ABLIM1: variants seen among roughly 807,000 people sequenced by gnomAD.
The protein encoded by ABLIM1 is actin binding LIM protein 1.
In ABLIM1, 40 loss-of-function variants were observed where a neutral mutation model predicts 107.0. The ratio of observed to expected loss-of-function variants is 0.37; its 90% CI spans 0.29 to 0.49. The LOEUF is 0.49. ABLIM1 is among the 20% of genes least tolerant of loss of function. The pLI is 0.97. For synonymous variants in ABLIM1, 357 were observed against 357.3 expected (o/e 1.00, Z 0.01); for missense variants, 857 against 1,008.5 (o/e 0.85, Z 2.04).
chr10:114,509,069 T>G (rs781140122), intron 6 of ABLIM1, among the ~76,000 whole-genome samples: 1 of 152,176 alleles, frequency 6.6e-6, no homozygotes, highest in Non-Finnish European at 1.5e-5. Context: ...CTGGGAAATT[T>G]AGAATGAGAA....
rs369177664 is a variant in ABLIM1 at position 114,487,577 on chromosome 10, T to C, written c.1041+381A>G. 8.5e-5 allele frequency among the ~76,000 whole-genome samples: 13 copies of C among 152,350 alleles called. No individual in the cohort carries two copies. In the South Asian group the frequency reaches 2.3e-3, roughly 27 times the overall value. ...GAGAGACCAGTAAAATGTGCCAATG[T>C]AGAGCTGGGGTCAGAGTAGTGCATT... On this transcript the variant is annotated intron_variant, in intron 8 of 22. Transcript: ENST00000533213.
At chr10:114,788,241 C>T in the ABLIM1 span, among the ~76,000 whole-genome samples, 2 of 148,264 alleles carry the variant, frequency 1.3e-5, no homozygotes, top group South Asian at 4.3e-4. Context: ...CCTTTGTTCA[C>T]TTGTTTATCT....
intron 4 of ABLIM1, among the ~76,000 whole-genome samples, chr10:114,558,421 T>C (rs974434090): frequency 3.0e-4 from 46 of 152,164 alleles, no homozygotes; most frequent in Non-Finnish European, 1.5e-5. Flanking sequence ...AGTATCAGAA[T>C]TGAGAGTCCG....
chr10:114,709,398 A>T (rs746974745), intron 1 of ABLIM1, among the ~76,000 whole-genome samples: 2 of 152,234 alleles, frequency 1.3e-5, no homozygotes, highest in Non-Finnish European at 2.9e-5. Flanking sequence ...TCTTGTTTTC[A>T]TCAACATAGA....
chr10:114,463,312 G>C, intron 12 of ABLIM1: 22 of 815,588 alleles, frequency 2.7e-5, no homozygotes, highest in Non-Finnish European at 3.5e-5. Flanking sequence ...GAAGGAGAAA[G>C]GGTTAAGAGT....
chr10:114,736,717 T>C (rs1004794818), intron 1 of ABLIM1, among the ~76,000 whole-genome samples: 5 of 152,230 alleles, frequency 3.3e-5, no homozygotes, highest in Non-Finnish European at 7.3e-5. Flanking sequence ...TGTAATGCAA[T>C]GATGCTTTAA....
At chr10:114,595,947 C>G (rs907645005) in intron 2 of ABLIM1, among the ~76,000 whole-genome samples, 1 of 152,180 alleles carries the variant, frequency 6.6e-6, no homozygotes, top group African/African-American at 2.4e-5. Context: ...TCTGGATGTA[C>G]CATGTTACTC....
At chr10:114,438,425 A>AT (rs1383319467) in intron 21 of ABLIM1, among the ~76,000 whole-genome samples, 1 of 151,712 alleles carries the variant, frequency 6.6e-6, no homozygotes, top group Admixed American at 6.6e-5. Context: ...ATGCCAAGCA[A>AT]TTTTTTTTAA....
At chr10:114,536,841 A>G (rs1401177489) in intron 6 of ABLIM1, among the ~76,000 whole-genome samples, 1 of 152,146 alleles carries the variant, frequency 6.6e-6, no homozygotes, top group Non-Finnish European at 1.5e-5. Context: ...CTCAAACTTG[A>G]GACAGCATCA....
intron 1 of ABLIM1, among the ~76,000 whole-genome samples, chr10:114,755,789 C>T (rs1377106450): frequency 6.6e-6 from 1 of 152,222 alleles, no homozygotes; most frequent in African/African-American, 2.4e-5. Flanking sequence ...AGGTTCAAGC[C>T]AGCTCTGCTG....
chr10:114,608,338 T>C (rs543618138), intron 1 of ABLIM1, among the ~76,000 whole-genome samples: 1 of 152,224 alleles, frequency 6.6e-6, no homozygotes, highest in East Asian at 1.9e-4. Flanking sequence ...CACTCCAGCC[T>C]GGGAGACAAG....
At chr10:114,696,091 T>C (rs2081188254) in intron 1 of ABLIM1, among the ~76,000 whole-genome samples, 2 of 152,234 alleles carry the variant, frequency 1.3e-5, no homozygotes, top group African/African-American at 4.8e-5. Context: ...CAAAAATCTT[T>C]CCTTGATAGC....
chr10:114,752,353 G>C lies in ABLIM1; in HGVS notation c.-213+15708C>G, dbSNP rs556029507. 4.6e-5 allele frequency among the ~76,000 whole-genome samples: 7 copies of C among 152,236 alleles called. No homozygotes were observed. The East Asian group carries it at 1.4e-3, about 29-fold the overall frequency. ...ACTAGAACGTACTGTCCCCTGTTGA[G>C]TATGTGCCATTTTGATTATTTTTAA... On this transcript the variant is annotated intron_variant, in intron 1 of 15. Coordinates refer to the ABLIM1 transcript ENST00000651092.
At chr10:114,501,069 G>C (rs1412682959) in intron 6 of ABLIM1, among the ~76,000 whole-genome samples, 2 of 152,172 alleles carry the variant, frequency 1.3e-5, no homozygotes, top group Non-Finnish European at 2.9e-5. Flanking sequence ...TTGGCCAAAA[G>C]ATGAGTAAAA....
At chr10:114,725,492 C>T (rs2081938597) in intron 1 of ABLIM1, among the ~76,000 whole-genome samples, 1 of 152,014 alleles carries the variant, frequency 6.6e-6, no homozygotes. Context: ...ATTTAAAAAA[C>T]AAAGCACAAA....
intron 1 of ABLIM1, among the ~76,000 whole-genome samples, chr10:114,724,853 AG>A (rs2081924949): frequency 6.6e-6 from 1 of 152,206 alleles, no homozygotes. Flanking sequence ...AGTTGGCTGC[AG>A]GGTGCTCCTT....
intron 2 of ABLIM1, among the ~76,000 whole-genome samples, chr10:114,599,980 T>C (rs1181570471): frequency 3.3e-5 from 5 of 152,092 alleles, no homozygotes; most frequent in Admixed American, 1.3e-4. Context: ...CTAGAAAACA[T>C]TTTTTCTCTG....
intron 2 of ABLIM1, among the ~76,000 whole-genome samples, chr10:114,577,856 G>C (rs2072791779): frequency 6.6e-6 from 1 of 152,112 alleles, no homozygotes; most frequent in Non-Finnish European, 1.5e-5. Context: ...GTTCCTAAAG[G>C]CATATGCAAC....
chr10:114,787,104 G>A, the ABLIM1 span, among the ~76,000 whole-genome samples: 17 of 151,538 alleles, frequency 1.1e-4, 1 homozygote, highest in African/African-American at 3.4e-4. Context: ...GTCTCTGCCC[G>A]GCTGCCCATC....
Sources: allele counts gnomAD v4.1 joint callset (sites outside exome capture counted in the v4.1 genomes callset), GRCh38; gene constraint gnomAD v4.1.1; transcripts MANE v1.5; gene names NCBI Gene and HGNC (gene_info 2026-07-23, HGNC 2026-07-21).